The following LINGO2 variants were observed in gnomAD, a reference collection of about 807,000 sequenced individuals.
LINGO2 encodes the protein leucine rich repeat and Ig domain containing 2.
A neutral mutation model predicts 30.6 loss-of-function variants in LINGO2; 14 were observed. The observed-to-expected ratio is 0.46, with a 90% CI of 0.30 to 0.72. The LOEUF (loss-of-function observed/expected upper bound fraction) is 0.72. Ranked by LOEUF, LINGO2 falls within the 30% of genes least tolerant of loss-of-function variation. LINGO2 has a pLI of 0.07. For missense variants in LINGO2, 729 were observed against 751.7 expected, an observed-to-expected ratio of 0.97 and a Z score of 0.35; for synonymous variants, 317 against 288.5, an observed-to-expected ratio of 1.10 and a Z score of -1.00.
intron 4 of LINGO2, among the ~76,000 whole-genome samples, chr9:28,022,626 C>G (rs1372786096): frequency 6.6e-6 from 1 of 151,566 alleles, no homozygotes; most frequent in Non-Finnish European, 1.5e-5. Flanking sequence ...TCATTCTGTT[C>G]TTGCTTGCAT....
chr9:28,776,920 T>C, the LINGO2 span, among the ~76,000 whole-genome samples: 8 of 152,026 alleles, frequency 5.3e-5, 1 homozygote, highest in East Asian at 7.7e-4. Context: ...TGTCAAATTG[T>C]AGGAGTGGCC....
the LINGO2 span, among the ~76,000 whole-genome samples, chr9:28,786,592 A>G: frequency 2.0e-5 from 3 of 152,170 alleles, no homozygotes; most frequent in Non-Finnish European, 4.4e-5. Flanking sequence ...AGAGAGCCTG[A>G]GGTAGAGATA....
At chr9:28,096,367 ATTCATT>A (rs1034525592) in intron 4 of LINGO2, among the ~76,000 whole-genome samples, 4 of 152,190 alleles carry the variant, frequency 2.6e-5, no homozygotes, top group Admixed American at 2.0e-4. Context: ...CTTACTCCTT[ATTCATT>A]TTAATTTATG....
At chr9:28,139,532 A>AT (rs1215967926) in intron 4 of LINGO2, among the ~76,000 whole-genome samples, 17 of 152,358 alleles carry the variant, frequency 1.1e-4, no homozygotes, top group South Asian at 2.1e-4. Context: ...GTAGATTTTA[A>AT]TTAAAGAGCA....
chr9:28,671,810 C>A (rs1174472557), upstream of LINGO2, among the ~76,000 whole-genome samples: 2 of 151,898 alleles, frequency 1.3e-5, no homozygotes, highest in African/African-American at 2.4e-5. Context: ...TAGCACTCAA[C>A]TAAGAAGTAT....
At chr9:28,870,718 C>CA in the LINGO2 span, among the ~76,000 whole-genome samples, 1 of 151,594 alleles carries the variant, frequency 6.6e-6, no homozygotes, top group African/African-American at 2.4e-5. Context: ...AAAGAAGCAA[C>CA]AAAAAAGGAC....
chr9:28,358,124 G>GTT (rs1264526686), intron 3 of LINGO2, among the ~76,000 whole-genome samples: 3 of 151,992 alleles, frequency 2.0e-5, no homozygotes, highest in African/African-American at 7.2e-5. Context: ...TGTAAAACAG[G>GTT]TTAGTAATAA....
the LINGO2 span, among the ~76,000 whole-genome samples, chr9:28,832,524 T>TACAGAACTA: frequency 6.6e-6 from 1 of 152,092 alleles, no homozygotes; most frequent in African/African-American, 2.4e-5. Flanking sequence ...CCACAGAACT[T>TACAGAACTA]CTCTGATCTG....
intron 1 of LINGO2, among the ~76,000 whole-genome samples, chr9:28,592,925 A>C (rs1331542325): frequency 6.6e-6 from 1 of 152,094 alleles, no homozygotes; most frequent in Admixed American, 6.6e-5. Flanking sequence ...CACGTGTAAC[A>C]TGCCATTTGA....
At chr9:28,176,795 C>G (rs1408324057) in intron 4 of LINGO2, among the ~76,000 whole-genome samples, 1 of 152,138 alleles carries the variant, frequency 6.6e-6, no homozygotes, top group Non-Finnish European at 1.5e-5. Flanking sequence ...GCTCTTTTTG[C>G]TATTACAGAA....
the LINGO2 span, among the ~76,000 whole-genome samples, chr9:28,870,243 C>T: frequency 2.6e-5 from 4 of 152,008 alleles, no homozygotes; most frequent in Non-Finnish European, 4.4e-5. Flanking sequence ...AAGTTTATTA[C>T]GATCTGACAA....
At chr9:28,943,277 A>G in the LINGO2 span, among the ~76,000 whole-genome samples, 1 of 152,180 alleles carries the variant, frequency 6.6e-6, no homozygotes, top group East Asian at 1.9e-4. Context: ...CACTGCATCC[A>G]TAAGACATCA....
chr9:29,122,331 G>C, the LINGO2 span, among the ~76,000 whole-genome samples: 37,301 of 151,616 alleles, frequency 0.25, 4,730 homozygotes, highest in East Asian at 0.4. Flanking sequence ...TTTTACTCTG[G>C]GAGATAAAAT....
chr9:28,937,648 C>T, the LINGO2 span, among the ~76,000 whole-genome samples: 1 of 152,140 alleles, frequency 6.6e-6, no homozygotes, highest in Non-Finnish European at 1.5e-5. Flanking sequence ...CAAGGGCAGC[C>T]TCATCCTCTG....
intron 4 of LINGO2, among the ~76,000 whole-genome samples, chr9:28,276,648 G>A (rs919046093): frequency 1.5e-4 from 23 of 152,222 alleles, no homozygotes; most frequent in African/African-American, 5.5e-4. Flanking sequence ...TACATCCACT[G>A]GATGCTTCTC....
At chr9:29,072,505 G>A in the LINGO2 span, among the ~76,000 whole-genome samples, 3 of 151,330 alleles carry the variant, frequency 2.0e-5, no homozygotes, top group African/African-American at 4.8e-5. Context: ...TCTCAATAAA[G>A]CTGTTTAATT....
At chr9:28,534,155 C>CTTTATTTA (rs200311313) in intron 1 of LINGO2, among the ~76,000 whole-genome samples, 12 of 152,054 alleles carry the variant, frequency 7.9e-5, no homozygotes, top group African/African-American at 2.7e-4. Context: ...TCTCATTCTG[C>CTTTATTTA]TTTATTTATT....
At chr9:28,703,738 T>A in the LINGO2 span, among the ~76,000 whole-genome samples, 1 of 151,986 alleles carries the variant, frequency 6.6e-6, no homozygotes, top group African/African-American at 2.4e-5. Flanking sequence ...TTTTTTTAAC[T>A]CTTTCAGTTG....
the LINGO2 span, among the ~76,000 whole-genome samples, chr9:28,726,830 A>G: frequency 6.6e-6 from 1 of 152,178 alleles, no homozygotes; most frequent in Non-Finnish European, 1.5e-5. Context: ...TATATTTGTT[A>G]TATTCCATTT....
Sources: allele counts gnomAD v4.1 joint callset (sites outside exome capture counted in the v4.1 genomes callset), GRCh38; gene constraint gnomAD v4.1.1; transcripts MANE v1.5; gene names NCBI Gene and HGNC (gene_info 2026-07-23, HGNC 2026-07-21).